The following CNBD1 variants were observed in gnomAD, a reference collection of about 807,000 sequenced individuals.
The protein encoded by CNBD1 is cyclic nucleotide-binding domain-containing protein 1.
In CNBD1, 71 loss-of-function variants were observed where a neutral mutation model predicts 54.4. That is an observed-to-expected ratio of 1.30 (90% confidence interval 1.08 to 1.59). CNBD1 has a LOEUF of 1.59. CNBD1 is among the 40% of genes most tolerant of loss of function. CNBD1 has a pLI of 0.00. For synonymous variants in CNBD1, 182 were observed against 170.7 expected, an observed-to-expected ratio of 1.07 and a Z score of -0.51; for missense variants, 659 against 518.0, an observed-to-expected ratio of 1.27 and a Z score of -2.64.
At chr8:87,084,381 T>A (rs1161811140) in intron 4 of CNBD1, among the ~76,000 whole-genome samples, 1 of 152,210 alleles carries the variant, frequency 6.6e-6, no homozygotes, top group Non-Finnish European at 1.5e-5. Context: ...TGACAATGGA[T>A]TCTCTCAGCC....
chr8:87,362,951 C>T (rs972442206), intron 10 of CNBD1, among the ~76,000 whole-genome samples: 1 of 151,854 alleles, frequency 6.6e-6, no homozygotes, highest in Non-Finnish European at 1.5e-5. Context: ...GTTTGCTGTA[C>T]CCATCAACCC....
At chr8:87,321,818 T>A (rs1010108594) in intron 8 of CNBD1, among the ~76,000 whole-genome samples, 3 of 150,772 alleles carry the variant, frequency 2.0e-5, no homozygotes, top group African/African-American at 7.3e-5. Context: ...TTTTTTTTTT[T>A]ATACTTTAAG....
At chr8:87,094,954 G>T (rs570150419) in intron 4 of CNBD1, among the ~76,000 whole-genome samples, 5 of 152,292 alleles carry the variant, frequency 3.3e-5, no homozygotes, top group African/African-American at 9.6e-5. Flanking sequence ...CAGGAGAATC[G>T]CTTGAACCTG....
At chr8:86,964,940 C>G (rs903219936) in intron 4 of CNBD1, among the ~76,000 whole-genome samples, 3 of 152,122 alleles carry the variant, frequency 2.0e-5, no homozygotes, top group Admixed American at 6.5e-5. Context: ...ACTATTTGCC[C>G]TCGTGTTTAT....
chr8:87,212,877 T>C lies in CNBD1; in HGVS notation c.577+6739T>C, dbSNP rs1210162835. Among the ~76,000 whole-genome samples the C allele has an allele frequency of 3.9e-5, 6 of 152,110 alleles. No individual in the cohort carries two copies. In the East Asian group the frequency reaches 1.2e-3, roughly 29 times the overall value. On this transcript the variant is annotated intron_variant, in intron 5 of 10. Transcript: ENST00000518476. ...TTGGACCTTATAAAAATTAAAATAT[T>C]TTGAGCTTCAAAGAATAGAATCAAT...
intron 4 of CNBD1, among the ~76,000 whole-genome samples, chr8:87,198,609 G>A (rs1169197675): frequency 6.6e-6 from 1 of 152,140 alleles, no homozygotes; most frequent in Non-Finnish European, 1.5e-5. Context: ...TGTCCAAAGA[G>A]TTCAAGAAAA....
In CNBD1 at chr8:87,247,036, C is replaced by A. The variant is rs952652546; in HGVS notation, c.771+9924C>A. Among the ~76,000 whole-genome samples the A allele has an allele frequency of 7.1e-4, 108 of 152,140 alleles. 5 individuals are homozygous for A. The highest frequency in any genetic ancestry group is 4.4e-5 in the Non-Finnish European group (3 of 68,012). ...TCCATAATCTCGTTTTGGTTACTGT[C>A]ACTACAGAAAACTCTGCTTCACAAA... On this transcript the variant is annotated intron_variant, in intron 6 of 10. Coordinates refer to ENST00000518476, the MANE Select transcript of CNBD1 (RefSeq NM_173538.3).
intron 4 of CNBD1, among the ~76,000 whole-genome samples, chr8:87,124,401 A>G (rs1228601390): frequency 6.6e-6 from 1 of 151,750 alleles, no homozygotes; most frequent in Non-Finnish European, 1.5e-5. Context: ...CTAGAAATCA[A>G]TAACAAGAAA....
intron 4 of CNBD1, among the ~76,000 whole-genome samples, chr8:86,995,381 G>A (rs1808845933): frequency 6.6e-6 from 1 of 152,168 alleles, no homozygotes; most frequent in African/African-American, 2.4e-5. Context: ...AAATCAACAA[G>A]TGAGAGTGGC....
chr8:86,950,983 C>G (rs891028706), intron 4 of CNBD1, among the ~76,000 whole-genome samples: 1 of 152,076 alleles, frequency 6.6e-6, no homozygotes, highest in Non-Finnish European at 1.5e-5. Context: ...ATAGTGACTA[C>G]TAATGATCCT....
rs369661293 is a variant in CNBD1, at chr8:87,351,830, A to C, written c.1152+36A>C. On this transcript the variant is annotated intron_variant, in intron 9 of 10. Coordinates refer to ENST00000518476, the MANE Select transcript of CNBD1 (RefSeq NM_173538.3). Reference sequence around the variant, plus strand: ...AACATGTATTCTTTTTAATCAATTAATCTACTCTAAAGAATAGTGTCAGAT... The same window carrying C: ...AACATGTATTCTTTTTAATCAATTACTCTACTCTAAAGAATAGTGTCAGAT... The C allele has an allele frequency of 6.4e-6, 9 of 1,413,454 alleles. No homozygotes were observed. In the African/African-American group the frequency reaches 1.2e-4, roughly 19 times the overall value. The allele number at this position is 1,413,454 out of a possible 1,614,324, so 87.6% of individuals were successfully genotyped here.
At chr8:87,409,961 T>G (rs1288882282) in intron 2 of CNBD1, among the ~76,000 whole-genome samples, 3 of 151,708 alleles carry the variant, frequency 2.0e-5, no homozygotes, top group Non-Finnish European at 4.4e-5. Context: ...AGAGGGAGGT[T>G]GTAGTGAGCC....
intron 5 of CNBD1, among the ~76,000 whole-genome samples, chr8:87,224,658 G>A (rs1365885311): frequency 6.6e-6 from 1 of 151,932 alleles, no homozygotes; most frequent in Non-Finnish European, 1.5e-5. Flanking sequence ...TTGTAGTATA[G>A]TTTGAAGTCA....
chr8:87,381,547 T>C (rs1345393668), intron 10 of CNBD1, among the ~76,000 whole-genome samples: 1 of 151,980 alleles, frequency 6.6e-6, no homozygotes, highest in Non-Finnish European at 1.5e-5. Context: ...GAATTTAAAT[T>C]GGGATCTCAA....
chr8:87,023,090 T>G (rs1384313510), intron 4 of CNBD1, among the ~76,000 whole-genome samples: 1 of 152,224 alleles, frequency 6.6e-6, no homozygotes, highest in Non-Finnish European at 1.5e-5. Context: ...GTAGCTTGAA[T>G]TCAGTTCCTT....
At chr8:86,928,776 G>C (rs1180775257) in intron 3 of CNBD1, among the ~76,000 whole-genome samples, 1 of 152,202 alleles carries the variant, frequency 6.6e-6, no homozygotes, top group Non-Finnish European at 1.5e-5. Context: ...CACATCACAG[G>C]CTTTGACAAC....
rs116769295 is a variant in CNBD1, at chr8:87,291,559, T to C, written c.1042+4888T>C. ...AGAATCACCCTTAGTTGTAGTGTTA[T>C]AAAAAAAAATGGGCCTTGGGTCAGA... On this transcript the variant is annotated intron_variant, in intron 8 of 10. Transcript: ENST00000518476. Among the ~76,000 whole-genome samples the C allele has an allele frequency of 5.5e-3, 827 of 151,280 alleles. 18 individuals are homozygous for C. The highest frequency in any genetic ancestry group is 0.019 in the African/African-American group (796 of 41,264).
intron 3 of CNBD1, among the ~76,000 whole-genome samples, chr8:86,922,175 C>A (rs935132624): frequency 6.6e-6 from 1 of 152,072 alleles, no homozygotes; most frequent in African/African-American, 2.4e-5. Flanking sequence ...TCAAAGCCAC[C>A]TTAGCTGATA....
At chr8:87,078,849 T>A (rs995277703) in intron 4 of CNBD1, among the ~76,000 whole-genome samples, 1 of 152,154 alleles carries the variant, frequency 6.6e-6, no homozygotes, top group South Asian at 2.1e-4. Context: ...GTATATATAG[T>A]GTTTGCTCTC....
Sources: gnomAD v4.1 joint callset for allele counts (sites outside exome capture counted in the v4.1 genomes callset) on GRCh38, gnomAD v4.1.1 for gene constraint, MANE v1.5 for transcripts, NCBI Gene and HGNC (gene_info 2026-07-23, HGNC 2026-07-21) for gene names.